Variants in DOCK6 observed in about 807,000 individuals in gnomAD.
DOCK6 encodes the protein dedicator of cytokinesis protein 6.
DOCK6 carries 167 observed loss-of-function variants against 230.3 expected under a neutral mutation model. That is an observed-to-expected ratio of 0.73 (90% CI 0.64 to 0.82). DOCK6 has a LOEUF of 0.82. Among genes scored for constraint, DOCK6 ranks in the 40% least tolerant of loss-of-function variants. The pLI is 0.00. For missense variants in DOCK6, 2,598 were observed against 2,825.8 expected, an observed-to-expected ratio of 0.92 and a Z score of 1.83; for synonymous variants, 1,148 against 1,185.0, an observed-to-expected ratio of 0.97 and a Z score of 0.64.
chr19:11,245,767 A>T, intron 8 of DOCK6, 45 bp downstream of exon 8: 1 of 1,603,140 alleles, frequency 6.2e-7, no homozygotes, highest in Non-Finnish European at 8.5e-7. Context: ...ACAGCCCCCC[A>T]ACAAGGAGAA....
intron 24 of DOCK6, among the ~76,000 whole-genome samples, chr19:11,223,945 CCT>C (rs771443675): frequency 1.3e-5 from 2 of 152,078 alleles, no homozygotes; most frequent in Non-Finnish European, 2.9e-5. Context: ...CCGCACCCGG[CCT>C]CTCAGCACCA....
Position 11,202,513 on chromosome 19 carries a change from C to T in DOCK6, c.5362-30G>A. On this transcript the variant is annotated intron_variant, in intron 42 of 47. Transcript: ENST00000294618. The surrounding 1 kb of genome is among the most constrained non-coding windows in gnomAD (Gnocchi z 5.3). ...AGACACAGGGCTGACTCGGGGCCACCCAGGGACAGCCCCTACTCCAGCCCC... is the reference window on the plus strand; with the variant it reads ...AGACACAGGGCTGACTCGGGGCCACTCAGGGACAGCCCCTACTCCAGCCCC... The T allele has an allele frequency of 6.2e-7, 1 of 1,613,470 alleles. No individual in the cohort carries two copies. Among genetic ancestry groups the T allele is most frequent in the Non-Finnish European group, 8.5e-7 (1 of 1,179,618 alleles).
intron 14 of DOCK6, among the ~76,000 whole-genome samples, chr19:11,240,773 T>C (rs1465795043): frequency 6.6e-6 from 1 of 151,844 alleles, no homozygotes; most frequent in Non-Finnish European, 1.5e-5. Flanking sequence ...TTTCACCATG[T>C]TGGCCAGGCT....
chr19:11,241,743 C>T lies in DOCK6; in HGVS notation c.1643+302G>A, dbSNP rs917714579. 7.7e-6 allele frequency: 12 copies of T among 1,556,210 alleles called. No homozygotes were observed. The Admixed American group carries it at 1.2e-4, about 15-fold the overall frequency. ...TGCTGCAAGGAACACTTCCACGCCC[C>T]GTGAGGCCCCTGTGCAGGGAGGAGC... On this transcript the variant is annotated intron_variant, in intron 14 of 47. Transcript: ENST00000294618.
intron 28 of DOCK6, chr19:11,221,016 G>C (rs1171198913): frequency 2.0e-5 from 3 of 151,928 alleles, no homozygotes. Flanking sequence ...AGTAGAGACG[G>C]GGTTTCACCA....
intron 35 of DOCK6, among the ~76,000 whole-genome samples, 197 bp from the exon 36 acceptor site, chr19:11,212,348 TCTC>T (rs2079402803): frequency 6.6e-6 from 1 of 151,902 alleles, no homozygotes; most frequent in Non-Finnish European, 1.5e-5. Flanking sequence ...TTCAGGCAAT[TCTC>T]CTGCCTCAGC....
intron 1 of DOCK6, among the ~76,000 whole-genome samples, chr19:11,259,899 T>TTTTTTTTC (rs1236040154): frequency 1.4e-5 from 2 of 140,842 alleles, no homozygotes; most frequent in African/African-American, 5.2e-5. Flanking sequence ...TTTTTTTTTT[T>TTTTTTTTC]TTGAGACAGA....
In DOCK6 at chr19:11,236,352, G is replaced by T. The variant is rs1210885823; in HGVS notation, c.2386C>A (p.Gln796Lys). Reference sequence around the variant, plus strand: ...TGAGGCCACATTCGCTTACCAATCTGGCCACTGATGATCGGGGGCCTGATG... The same window carrying T: ...TGAGGCCACATTCGCTTACCAATCTTGCCACTGATGATCGGGGGCCTGATG... ...LVIRPPIISG[Q>K]IVNLGRGAFE... The change falls in exon 20 of 48, where the codon CAG becomes AAG. Residue 796 changes from glutamine (Q) to lysine (K), a missense_variant. Physicochemically the swap from Gln to Lys is moderately conservative, Grantham distance 53. Transcript: ENST00000294618. This position sits in a 1 kb window ranked among gnomAD's most constrained non-coding sequence, Gnocchi z 5.2. 6.4e-7 allele frequency: 1 copy of T among 1,554,996 alleles called. No individual in the cohort carries two copies.
intron 20 of DOCK6, 184 bp from the exon 21 acceptor site, chr19:11,235,943 T>C (rs949857312): frequency 1.2e-5 from 9 of 745,830 alleles, no homozygotes; most frequent in African/African-American, 1.8e-5. Context: ...TCCAGTGGCA[T>C]GATCTCGGCT....
At chr19:11,217,702 G>C (rs1479058240) in intron 28 of DOCK6, among the ~76,000 whole-genome samples, 1 of 147,810 alleles carries the variant, frequency 6.8e-6, no homozygotes, top group Non-Finnish European at 1.5e-5. Context: ...AGGTTACAGT[G>C]AGCCGAGATC....
At chr19:11,229,708 A>G (rs991134008) in intron 22 of DOCK6, among the ~76,000 whole-genome samples, 1 of 151,958 alleles carries the variant, frequency 6.6e-6, no homozygotes, top group Admixed American at 6.6e-5. Flanking sequence ...GTCAAGATCA[A>G]GGTGTGTGGG....
chr19:11,245,961 G>T (rs2147859781), intron 7 of DOCK6, 83 bp from the exon 8 acceptor site: 2 of 1,488,516 alleles, frequency 1.3e-6, no homozygotes, highest in East Asian at 5.0e-5. Context: ...GCCCAAGGTG[G>T]GGGGCATCTG....
chr19:11,238,091 T>C lies in DOCK6; in HGVS notation c.1786A>G (p.Ser596Gly), dbSNP rs2147834808. The C allele has an allele frequency of 6.2e-7, 1 of 1,613,960 alleles. No individual in the cohort carries two copies. The highest frequency in any genetic ancestry group is 8.5e-7 in the Non-Finnish European group (1 of 1,179,866). ...GTGAAGGCCTCGCGGGTAAATTCAC[T>C]GCAGCTGGACTTGCCAAAGATGACC... is the stretch of plus-strand genomic sequence containing the variant. ...LPVIFGKSSC[S>G]EFTREAFTPV... Residue 596 changes from serine (S) to glycine (G), a missense_variant, in exon 16 of 48, where the codon AGT becomes GGT. By Grantham distance (56) the Ser-to-Gly change is moderately conservative. Transcript: ENST00000294618.
intron 47 of DOCK6, among the ~76,000 whole-genome samples, chr19:11,199,923 T>C (rs2079139937): frequency 6.6e-6 from 1 of 152,014 alleles, no homozygotes; most frequent in Non-Finnish European, 1.5e-5. Flanking sequence ...GCAAAGCGGA[T>C]GGATCACCTG....
At chr19:11,260,555 G>A (rs2080267857) in intron 1 of DOCK6, among the ~76,000 whole-genome samples, 1 of 151,310 alleles carries the variant, frequency 6.6e-6, no homozygotes, top group African/African-American at 2.4e-5. Context: ...ACTCCAGTCT[G>A]GGTGACAGAG....
chr19:11,242,799 C>G (rs1201506834), intron 13 of DOCK6, among the ~76,000 whole-genome samples: 2 of 152,114 alleles, frequency 1.3e-5, no homozygotes, highest in African/African-American at 4.8e-5. Flanking sequence ...CTTACCCCTA[C>G]ATTTGATCAA....
chr19:11,252,166 A>C lies in DOCK6; in HGVS notation c.460T>G (p.Phe154Val). ...ERQKGLPRQV[F>V]EQDASGDERS... ...TCGTCTCCAGAAGCATCCTGCTCAA[A>C]GACCTGGCGGGGGAGGCCCTTCTGT... The change falls in exon 5 of 48, where the codon TTT becomes GTT. Residue 154 changes from phenylalanine to valine, a missense_variant. Phe to Val is a conservative substitution (Grantham distance 50). Transcript: ENST00000294618. The C allele has an allele frequency of 6.3e-7, 1 of 1,586,874 alleles. No individual in the cohort carries two copies. The highest frequency in any genetic ancestry group is 8.6e-7 in the Non-Finnish European group (1 of 1,166,920).
At chr19:11,256,933 C>A (rs1289624429) in intron 1 of DOCK6, among the ~76,000 whole-genome samples, 1 of 152,086 alleles carries the variant, frequency 6.6e-6, no homozygotes, top group Non-Finnish European at 1.5e-5. Context: ...CCCACCTCAG[C>A]CTCCCAAAGT....
In DOCK6 at chr19:11,202,820, C is replaced by T. The variant is rs1013314458; in HGVS notation, c.5236-111G>A. The T allele has an allele frequency of 5.5e-5, 86 of 1,558,870 alleles. No homozygotes were observed. The highest frequency in any genetic ancestry group is 3.0e-4 in the Admixed American group (18 of 59,344). On this transcript the variant is annotated intron_variant, in intron 41 of 47. Coordinates refer to ENST00000294618, the MANE Select transcript of DOCK6 (RefSeq NM_020812.4). The surrounding 1 kb of genome is among the most constrained non-coding windows in gnomAD (Gnocchi z 5.3). ...GATGGGAGTGTGAGGACCCCGAGAA[C>T]ATCAGGGCATGGGCACAGGCAGGGG...
Sources: allele counts gnomAD v4.1 joint callset (sites outside exome capture counted in the v4.1 genomes callset), GRCh38; gene constraint gnomAD v4.1.1; non-coding constraint Gnocchi (gnomAD v3.1); transcripts MANE v1.5; gene names NCBI Gene and HGNC (gene_info 2026-07-23, HGNC 2026-07-21).